The following NAP1L4 variants were observed in gnomAD, a reference collection of about 807,000 sequenced individuals.
NAP1L4 encodes nucleosome assembly protein 1 like 4.
A neutral mutation model predicts 58.2 loss-of-function variants in NAP1L4; 15 were observed. The ratio of observed to expected loss-of-function variants is 0.26; its 90% CI spans 0.17 to 0.40. NAP1L4 has a LOEUF of 0.40. NAP1L4 is among the 10% of genes least tolerant of loss of function. The pLI, the probability that NAP1L4 is intolerant of heterozygous loss-of-function variation, is 1.00. For synonymous variants in NAP1L4, 171 were observed against 155.6 expected (o/e 1.10, Z -0.74); for missense variants, 384 against 451.1 (o/e 0.85, Z 1.35).
chr11:2,989,418 A>G (rs1017168645), intron 1 of NAP1L4: 1 of 152,202 alleles, frequency 6.6e-6, no homozygotes, highest in African/African-American at 2.4e-5. Context: ...GACGCCTCTT[A>G]GGCCGTCAGG....
Position 2,959,723 on chromosome 11 carries a change from C to A in NAP1L4, c.746+47G>T, listed in dbSNP as rs368455315. The A allele has an allele frequency of 5.0e-6, 8 of 1,603,384 alleles. No homozygotes were observed. Among genetic ancestry groups the A allele is most frequent in the Non-Finnish European group, 6.8e-6 (8 of 1,173,738 alleles). ...CTTACCCATCAAGTTACAAAATTATCTTTTGATTTTGTTTCAGAAAAACAA... is the reference window on the plus strand; with the variant it reads ...CTTACCCATCAAGTTACAAAATTATATTTTGATTTTGTTTCAGAAAAACAA... On this transcript the variant is annotated intron_variant, in intron 9 of 15. Transcript: ENST00000380542. This position sits in a 1 kb window ranked among gnomAD's most constrained non-coding sequence, Gnocchi z 4.9.
rs138096957 is a variant in NAP1L4, at chr11:2,946,475, G to A, written c.*33-829C>T. Among the ~76,000 whole-genome samples the A allele has an allele frequency of 6.6e-5, 10 of 152,274 alleles. No homozygotes were observed. The highest frequency in any genetic ancestry group is 1.9e-4 in the African/African-American group (8 of 41,558). On this transcript the variant is annotated intron_variant, in intron 15 of 15. Coordinates refer to ENST00000380542, the MANE Select transcript of NAP1L4 (RefSeq NM_005969.4). The surrounding 1 kb of genome is among the most constrained non-coding windows in gnomAD (Gnocchi z 4.8). ...ATCACGATCTTGCTAATGCTTCTGC[G>A]CTAGTAACTTTACGAACCTGTAACC...
chr11:2,969,461 A>G (rs1230940316), intron 7 of NAP1L4, among the ~76,000 whole-genome samples: 2 of 152,126 alleles, frequency 1.3e-5, no homozygotes, highest in East Asian at 1.9e-4. Flanking sequence ...CTCACACCAC[A>G]GGAAGACAGA....
At chr11:2,966,059 C>A (rs1472834588) in intron 7 of NAP1L4, among the ~76,000 whole-genome samples, 1 of 152,234 alleles carries the variant, frequency 6.6e-6, no homozygotes, top group African/African-American at 2.4e-5. Context: ...CAGAAACACG[C>A]ACTGGCAGCA....
chr11:2,954,512 C>T lies in NAP1L4; in HGVS notation c.1035+15G>A, dbSNP rs1488619037. The stretch of plus-strand genomic sequence containing the variant: ...AAGCACCCAGGTGGAAGCCCCCCTT[C>T]CCCGAGCCTCATACATTGTCATCAT... On this transcript the variant is annotated intron_variant, in intron 12 of 15. Coordinates refer to ENST00000380542, the MANE Select transcript of NAP1L4 (RefSeq NM_005969.4). The surrounding 1 kb of genome is among the most constrained non-coding windows in gnomAD (Gnocchi z 4.8). 2 of 1,613,586 alleles carry T rather than the reference C, an allele frequency of 1.2e-6. No homozygotes were observed. Among genetic ancestry groups the T allele is most frequent in the South Asian group, 1.1e-5 (1 of 91,072 alleles).
intron 3 of NAP1L4, among the ~76,000 whole-genome samples, chr11:2,977,081 G>C (rs1222976225): frequency 2.0e-5 from 3 of 152,208 alleles, no homozygotes; most frequent in Admixed American, 1.3e-4. Flanking sequence ...CCACTAACAT[G>C]AAGCACATGA....
intron 7 of NAP1L4, among the ~76,000 whole-genome samples, chr11:2,967,335 G>A (rs1174810717): frequency 2.6e-5 from 4 of 152,140 alleles, no homozygotes; most frequent in South Asian, 2.1e-4. Flanking sequence ...ACTGTTGGCC[G>A]GGCACGGTGG....
intron 1 of NAP1L4, among the ~76,000 whole-genome samples, chr11:2,981,418 CA>C (rs35499396): frequency 0.15 from 6,213 of 41,054 alleles, 748 homozygotes; most frequent in African/African-American, 0.28. Context: ...TACCCTGTCT[CA>C]AAAAAAAAAA....
intron 7 of NAP1L4, among the ~76,000 whole-genome samples, chr11:2,965,175 C>G (rs780754996): frequency 6.6e-6 from 1 of 152,256 alleles, no homozygotes; most frequent in Non-Finnish European, 1.5e-5. Context: ...AAGGCTAGAT[C>G]GGCTACGGCC....
At chr11:2,964,596 G>A in intron 8 of NAP1L4, 84 bp downstream of exon 8, 1 of 1,179,388 alleles carries the variant, frequency 8.5e-7, no homozygotes. Flanking sequence ...GGTTTTGTGG[G>A]TTTCTTGCCC....
intron 4 of NAP1L4, among the ~76,000 whole-genome samples, chr11:2,975,077 C>T (rs1172595207): frequency 1.3e-5 from 2 of 151,558 alleles, no homozygotes; most frequent in African/African-American, 4.9e-5. Flanking sequence ...GGGAAACCAG[C>T]TGGAAGGTGG....
intron 1 of NAP1L4, chr11:2,991,259 G>A: frequency 2.4e-6 from 1 of 416,330 alleles, no homozygotes. Context: ...GAGAACTGTG[G>A]ACGGTGGAAA....
chr11:2,964,811 G>C lies in NAP1L4; in HGVS notation c.535-60C>G. The C allele has an allele frequency of 3.9e-6, 5 of 1,281,572 alleles. No homozygotes were observed. The Admixed American group carries it at 5.5e-5, about 14-fold the overall frequency. 79.4% of individuals were successfully genotyped at this position (1,281,572 alleles called of 1,614,324 possible). A position where few individuals can be genotyped will look rare whatever the true frequency, so the allele number is the denominator to read the frequency against. ...TTTAAAAAAACAACACATCTCTCCC[G>C]AAGAGTCATGGTTGCAGAGGCTCCC... is the stretch of plus-strand genomic sequence containing the variant. On this transcript the variant is annotated intron_variant, in intron 7 of 15. Coordinates refer to ENST00000380542, the MANE Select transcript of NAP1L4 (RefSeq NM_005969.4).
At chr11:2,977,189 T>C (rs1848015965) in intron 3 of NAP1L4, among the ~76,000 whole-genome samples, 1 of 152,256 alleles carries the variant, frequency 6.6e-6, no homozygotes, top group Admixed American at 6.5e-5. Flanking sequence ...GAATGGGTGC[T>C]AAAACCTCCG....
chr11:2,962,390 C>T (rs1262749387), intron 8 of NAP1L4, among the ~76,000 whole-genome samples: 1 of 152,200 alleles, frequency 6.6e-6, no homozygotes, highest in African/African-American at 2.4e-5. Flanking sequence ...TGGCAGGAGC[C>T]GTGTGGCACA....
chr11:2,978,281 G>T lies in NAP1L4; in HGVS notation c.73+3C>A, dbSNP rs1393050139. On this transcript the variant is annotated splice_donor_region_variant and intron_variant, in intron 3 of 15. Transcript: ENST00000380542. ...GCAAACTCTCCATGTGCAGTGGACT[G>T]ACCTGTGTTACTTGCATTTTTAGCA... The T allele has an allele frequency of 6.2e-7, 1 of 1,613,886 alleles. No homozygotes were observed. Among genetic ancestry groups the T allele is most frequent in the East Asian group, 2.2e-5 (1 of 44,862 alleles).
rs571320663 is a variant in NAP1L4 at position 2,975,365 on chromosome 11, C to T, written c.173+659G>A. ...TAAGAGAGGTCCTGACAAGAGCCAT[C>T]CTAGGATTCTAGGATCACCACCCTT... On this transcript the variant is annotated intron_variant, in intron 4 of 15. Transcript: ENST00000380542. 7.2e-5 allele frequency among the ~76,000 whole-genome samples: 11 copies of T among 152,096 alleles called. No homozygotes were observed. The South Asian group carries it at 1.5e-3, about 20-fold the overall frequency.
chr11:2,973,590 G>A (rs1473373131), intron 4 of NAP1L4, among the ~76,000 whole-genome samples: 2 of 152,150 alleles, frequency 1.3e-5, no homozygotes, highest in African/African-American at 4.8e-5. Flanking sequence ...ACTCTCCTGG[G>A]TGAAATACAA....
chr11:2,947,376 G>A (rs1434442068), intron 15 of NAP1L4, among the ~76,000 whole-genome samples: 2 of 152,204 alleles, frequency 1.3e-5, no homozygotes, highest in Non-Finnish European at 2.9e-5. Flanking sequence ...CTCAAGACCG[G>A]TGTCATGACC....
Sources: gnomAD v4.1 joint callset for allele counts (sites outside exome capture counted in the v4.1 genomes callset) on GRCh38, gnomAD v4.1.1 for gene constraint, Gnocchi (gnomAD v3.1) non-coding constraint, MANE v1.5 for transcripts, NCBI Gene and HGNC (gene_info 2026-07-23, HGNC 2026-07-21) for gene names.